Variants in GUCD1 observed in about 807,000 individuals in gnomAD.
GUCD1 encodes the protein guanylyl cyclase domain containing 1.
In GUCD1, 17 loss-of-function variants were observed where a neutral mutation model predicts 28.3. That is an observed-to-expected ratio of 0.60 (90% CI 0.41 to 0.90). The LOEUF (loss-of-function observed/expected upper bound fraction) is 0.90, where lower values mean the gene tolerates loss of function less well. Among genes scored for constraint, GUCD1 ranks in the 40% least tolerant of loss-of-function variants. The pLI is 0.00. For synonymous variants in GUCD1, 129 were observed against 123.3 expected, an observed-to-expected ratio of 1.05 and a Z score of -0.30; for missense variants, 279 against 305.5, an observed-to-expected ratio of 0.91 and a Z score of 0.65.
At chr22:24,546,814 T>A in intron 4 of GUCD1, 100 bp downstream of exon 4, 2 of 1,081,354 alleles carry the variant, frequency 1.8e-6, no homozygotes, top group South Asian at 2.6e-5. Flanking sequence ...GGCTCCAGAG[T>A]CCTAGCCTTT....
upstream of GUCD1, chr22:24,555,477 C>A: frequency 1.7e-6 from 2 of 1,196,050 alleles, no homozygotes; most frequent in Admixed American, 2.2e-5. Context: ...AAGCCCTGAT[C>A]CCGCCCAGTG....
At position 24,546,872 on chromosome 22, in the gene GUCD1, AG is replaced by A. The variant is rs751902843; in HGVS notation, c.386+41del. ...CCCCACTGCAGATCTGTGGGTGAGC[AG>A]GCATGAGAGGAAGGGCAGGTAGGAA... On this transcript the variant is annotated intron_variant, in intron 4 of 5. Transcript: ENST00000435822. 2.6e-6 allele frequency: 4 copies of A among 1,518,652 alleles called. No individual in the cohort carries two copies. In the South Asian group the frequency reaches 4.5e-5, roughly 17 times the overall value. The allele number at this position is 1,518,652 out of a possible 1,614,324, so 94.1% of individuals were successfully genotyped here.
intron 3 of GUCD1, 194 bp downstream of exon 3, chr22:24,547,712 ACT>A: frequency 5.1e-6 from 3 of 583,912 alleles, no homozygotes; most frequent in Non-Finnish European, 9.1e-6. Flanking sequence ...GGCAGGCCCG[ACT>A]GCAAGGGCAC....
Position 24,544,100 on chromosome 22 carries a change from G to A in GUCD1, c.387-17C>T, listed in dbSNP as rs777499054. On this transcript the variant is annotated splice_polypyrimidine_tract_variant and intron_variant, in intron 4 of 5. Coordinates refer to ENST00000435822, the MANE Select transcript of GUCD1 (RefSeq NM_001284254.2). Reference sequence around the variant, plus strand: ...CTCACTGTGCTGTGGGCGGGAGGGGGGTCAGCTGGTGCTGCTGGGCCCCCA... The same window carrying A: ...CTCACTGTGCTGTGGGCGGGAGGGGAGTCAGCTGGTGCTGCTGGGCCCCCA... 1.3e-6 allele frequency: 2 copies of A among 1,599,604 alleles called. No individual in the cohort carries two copies. The highest frequency in any genetic ancestry group is 2.2e-5 in the East Asian group (1 of 44,602).
chr22:24,554,612 G>GCACT (rs2044981574), intron 1 of GUCD1, among the ~76,000 whole-genome samples: 1 of 152,258 alleles, frequency 6.6e-6, no homozygotes, highest in Non-Finnish European at 1.5e-5. Context: ...GGAGGCCAGG[G>GCACT]CACTGGCCCT....
chr22:24,549,984 G>A (rs1264729245), intron 1 of GUCD1, among the ~76,000 whole-genome samples: 5 of 152,202 alleles, frequency 3.3e-5, no homozygotes, highest in African/African-American at 1.2e-4. Context: ...GAACTGTCAC[G>A]TAAGCTATGA....
intron 4 of GUCD1, among the ~76,000 whole-genome samples, chr22:24,545,210 T>C (rs1205068834): frequency 6.6e-6 from 1 of 152,064 alleles, no homozygotes; most frequent in East Asian, 1.9e-4. Flanking sequence ...CAGCCACAGC[T>C]GAGTCACGTG....
At position 24,541,739 on chromosome 22, in the gene GUCD1, C is replaced by T. The variant is rs1388387394; in HGVS notation, c.*1267G>A. 5.3e-5 allele frequency: 8 copies of T among 152,112 alleles called. No individual in the cohort carries two copies. The East Asian group carries it at 9.7e-4, about 18-fold the overall frequency. The allele number at this position is 152,112 out of a possible 1,614,324, so 9.4% of individuals were successfully genotyped here. On this transcript the variant is annotated 3_prime_UTR_variant, in exon 6 of 6. Coordinates refer to ENST00000435822, the MANE Select transcript of GUCD1 (RefSeq NM_001284254.2). ...ACTCCCAAGACTGGGCCAGCTGCCT[C>T]GTCAGCTGCCTCGTCTGAGAGGTGA...
At position 24,554,951 on chromosome 22, in the gene GUCD1, G is replaced by A; in HGVS notation, c.41C>T (p.Pro14Leu). The A allele has an allele frequency of 6.4e-7, 1 of 1,571,422 alleles. No homozygotes were observed. The highest frequency in any genetic ancestry group is 8.6e-7 in the Non-Finnish European group (1 of 1,161,254). Residue 14 changes from proline (P) to leucine (L), a missense_variant and splice_region_variant, in exon 1 of 6, where the codon CCC becomes CTC. By Grantham distance (98) the Pro-to-Leu change is moderately conservative. Coordinates refer to ENST00000435822, the MANE Select transcript of GUCD1 (RefSeq NM_001284254.2). Reference sequence around the variant, plus strand: ...TGGGCCCACAGAGAGGCACTGACCGGGCTCGAGCGGCGGCCCCGCTGCCTC... The same window carrying A: ...TGGGCCCACAGAGAGGCACTGACCGAGCTCGAGCGGCGGCCCCGCTGCCTC... ...EAEAAGPPLE[P>L]GDFVQLPVPV... is the part of the protein sequence containing the mutation.
chr22:24,548,121 T>G, intron 2 of GUCD1, 48 bp from the exon 3 acceptor site: 1 of 1,542,064 alleles, frequency 6.5e-7, no homozygotes, highest in South Asian at 1.1e-5. Flanking sequence ...GAGGGTCAAC[T>G]GGTCTGAGTC....
At chr22:24,544,119 G>A (rs780157157) in intron 4 of GUCD1, 36 bp from the exon 5 acceptor site, 1 of 1,593,818 alleles carries the variant, frequency 6.3e-7, no homozygotes, top group Admixed American at 1.7e-5. Flanking sequence ...GTGCTGCTGG[G>A]CCCCCATTCC....
chr22:24,547,726 T>C, intron 3 of GUCD1, 182 bp downstream of exon 3: 4 of 617,832 alleles, frequency 6.5e-6, no homozygotes. Flanking sequence ...CAAGGGCACC[T>C]GCTCTGACTG....
chr22:24,554,670 G>C (rs754441428), intron 1 of GUCD1, among the ~76,000 whole-genome samples: 1 of 152,212 alleles, frequency 6.6e-6, no homozygotes, highest in Non-Finnish European at 1.5e-5. Flanking sequence ...CCCAGCCTCA[G>C]TCCTCCACGG....
chr22:24,552,041 G>A (rs952436609), intron 1 of GUCD1, among the ~76,000 whole-genome samples: 1 of 152,214 alleles, frequency 6.6e-6, no homozygotes, highest in Non-Finnish European at 1.5e-5. Flanking sequence ...TAAAAGCAGT[G>A]TTCATGCCCT....
chr22:24,552,791 A>G (rs7286246), intron 1 of GUCD1, among the ~76,000 whole-genome samples: 9,529 of 150,372 alleles, frequency 0.063, 735 homozygotes, highest in African/African-American at 0.19. Context: ...AAGGAAAAGG[A>G]AAAAAAAGAA....
In GUCD1 at chr22:24,547,006, C is replaced by T; in HGVS notation, c.295-1G>A. On this transcript the variant is annotated splice_acceptor_variant, in intron 3 of 5. Coordinates refer to ENST00000435822, the MANE Select transcript of GUCD1 (RefSeq NM_001284254.2). LOFTEE classifies it high-confidence loss of function. ...TGTCAAAGTGCTTCCTGTAGAAGGA[C>T]TGAACAGAGAAGAGGGGGATGGAGT... 1 of 1,613,258 alleles carries T rather than the reference C, an allele frequency of 6.2e-7. No homozygotes were observed. Among genetic ancestry groups the T allele is most frequent in the Non-Finnish European group, 8.5e-7 (1 of 1,179,244 alleles).
chr22:24,545,835 C>T (rs1039221201), intron 4 of GUCD1, among the ~76,000 whole-genome samples: 1 of 152,066 alleles, frequency 6.6e-6, no homozygotes, highest in Non-Finnish European at 1.5e-5. Context: ...TCGTGATCCG[C>T]CCGCCTCGGC....
rs2044599433 is a variant in GUCD1, at chr22:24,541,786, T to C, written c.*1220A>G. On this transcript the variant is annotated 3_prime_UTR_variant, in exon 6 of 6. Coordinates refer to ENST00000435822, the MANE Select transcript of GUCD1 (RefSeq NM_001284254.2). Reference sequence around the variant, plus strand: ...GTGAAGGGGCAGGTACTTAAACCACTGGCCAAGTCCCTTTCTCTGAAAAAG... The same window carrying C: ...GTGAAGGGGCAGGTACTTAAACCACCGGCCAAGTCCCTTTCTCTGAAAAAG... 6.6e-6 allele frequency: 1 copy of C among 152,216 alleles called. No homozygotes were observed. Among genetic ancestry groups the C allele is most frequent in the Non-Finnish European group, 1.5e-5 (1 of 68,068 alleles). 9.4% of individuals were successfully genotyped at this position (152,216 alleles called of 1,614,324 possible). A position where few individuals can be genotyped will look rare whatever the true frequency, so the allele number is the denominator to read the frequency against.
chr22:24,547,233 A>C (rs1267802460), intron 3 of GUCD1: 4 of 506,858 alleles, frequency 7.9e-6, no homozygotes, highest in Non-Finnish European at 1.4e-5. Flanking sequence ...TGCTTGAGAG[A>C]GGGGTGGGCA....
Sources: gnomAD v4.1 joint callset for allele counts (sites outside exome capture counted in the v4.1 genomes callset) on GRCh38, gnomAD v4.1.1 for gene constraint, MANE v1.5 for transcripts, NCBI Gene and HGNC (gene_info 2026-07-23, HGNC 2026-07-21) for gene names.